Variants in MME observed in about 807,000 individuals in gnomAD.
MME encodes the protein membrane metalloendopeptidase.
MME carries 98 observed loss-of-function variants against 113.2 expected under a neutral mutation model. The observed-to-expected ratio is 0.87, with a 90% CI of 0.74 to 1.02. The LOEUF is 1.02. MME is among the 50% of genes least tolerant of loss of function. MME has a pLI of 0.00. For synonymous variants in MME, 292 were observed against 300.6 expected (o/e 0.97, Z 0.30); for missense variants, 836 against 896.0 (o/e 0.93, Z 0.86).
chr3:155,140,557 C>T (rs1376405602), intron 10 of MME, among the ~76,000 whole-genome samples: 2 of 151,734 alleles, frequency 1.3e-5, no homozygotes, highest in Non-Finnish European at 2.9e-5. Context: ...GCTGGGACTA[C>T]AGGCATGCAC....
In MME at chr3:155,080,717, G is replaced by A. The variant is rs548928219; in HGVS notation, c.-11+251G>A. 1.4e-4 allele frequency among the ~76,000 whole-genome samples: 22 copies of A among 152,230 alleles called. No homozygotes were observed. The South Asian group carries it at 4.6e-3, about 32-fold the overall frequency. ...CTATTTGTCTGGTTTCAAAATAAGG[G>A]TAATTGCAACCAAATATCCCTCTTT... On this transcript the variant is annotated intron_variant, in intron 1 of 22. Transcript: ENST00000360490.
At chr3:155,134,097 A>G (rs565710015) in intron 8 of MME, among the ~76,000 whole-genome samples, 105 of 152,076 alleles carry the variant, frequency 6.9e-4, no homozygotes, top group African/African-American at 2.4e-3. Context: ...TTGTCTTTTC[A>G]TTTCTGTTAC....
Position 155,041,622 on chromosome 3 carries a change from G to A in MME, c.-11+17298G>A, listed in dbSNP as rs142550474. Among the ~76,000 whole-genome samples, 269 of 152,142 alleles carry A rather than the reference G, an allele frequency of 1.8e-3. 1 individual carries two copies. The highest frequency in any genetic ancestry group is 6.4e-3 in the African/African-American group (265 of 41,516). On this transcript the variant is annotated intron_variant, in intron 1 of 22. Coordinates refer to the MME transcript ENST00000492661. ...GATGGTGGTTCATATTTTCTTGCAG[G>A]GTATTTAGAGCATAGCATCTTACCC... is the stretch of plus-strand genomic sequence containing the variant.
intron 17 of MME, among the ~76,000 whole-genome samples, chr3:155,165,767 C>T (rs1723048332): frequency 6.6e-6 from 1 of 152,174 alleles, no homozygotes; most frequent in Non-Finnish European, 1.5e-5. Context: ...CCTCACCCAG[C>T]CTCTGCCTAA....
At chr3:155,047,544 T>C (rs1314868247) in intron 1 of MME, among the ~76,000 whole-genome samples, 2 of 152,182 alleles carry the variant, frequency 1.3e-5, no homozygotes, top group South Asian at 2.1e-4. Context: ...AAAAGACAAG[T>C]CTCTACATGT....
intron 1 of MME, chr3:155,083,945 A>G (rs59525283): frequency 1.9e-6 from 1 of 525,172 alleles, no homozygotes; most frequent in East Asian, 3.4e-5. Context: ...AACAACAGCA[A>G]CAAAAAACAA....
At chr3:155,152,829 A>T (rs1722029753) in intron 16 of MME, among the ~76,000 whole-genome samples, 1 of 151,772 alleles carries the variant, frequency 6.6e-6, no homozygotes, top group Admixed American at 6.6e-5. Context: ...CGACAGAGAG[A>T]CACTCCGTCT....
chr3:155,089,491 C>G (rs1716088890), intron 3 of MME, among the ~76,000 whole-genome samples: 1 of 152,174 alleles, frequency 6.6e-6, no homozygotes, highest in Non-Finnish European at 1.5e-5. Flanking sequence ...AACTAGATGT[C>G]CAGTAGCAGT....
At chr3:155,172,003 T>A (rs904164454) in intron 20 of MME, 114 bp from the exon 21 acceptor site, 2 of 680,838 alleles carry the variant, frequency 2.9e-6, no homozygotes, top group East Asian at 5.5e-5. Flanking sequence ...AAATGTATTA[T>A]CAGGGTGATT....
In MME at chr3:155,147,813, G is replaced by A. The variant is rs181913470; in HGVS notation, c.1497+589G>A. Among the ~76,000 whole-genome samples the A allele has an allele frequency of 4.7e-3, 712 of 152,298 alleles. 5 individuals are homozygous for A. Among genetic ancestry groups the A allele is most frequent in the African/African-American group, 0.016 (685 of 41,566 alleles). Reference sequence around the variant, plus strand: ...CATGATACCCTGATGACAGCGAGGTGATCCTTGCCCAGGTCCTGGGATGAC... The same window carrying A: ...CATGATACCCTGATGACAGCGAGGTAATCCTTGCCCAGGTCCTGGGATGAC... On this transcript the variant is annotated intron_variant, in intron 15 of 22. Transcript: ENST00000360490.
intron 16 of MME, among the ~76,000 whole-genome samples, chr3:155,152,232 T>TCG (rs1559953543): frequency 2.0e-5 from 3 of 152,158 alleles, no homozygotes; most frequent in East Asian, 1.9e-4. Flanking sequence ...TATGCCCTGG[T>TCG]TCATCTAACA....
chr3:155,116,359 C>G (rs1385749445), intron 4 of MME, 120 bp from the exon 5 acceptor site: 2 of 784,178 alleles, frequency 2.6e-6, no homozygotes, highest in Non-Finnish European at 4.4e-6. Flanking sequence ...TCCAGAAAAG[C>G]AAGGTTTTTT....
At chr3:155,046,841 GA>G (rs1713577838) in intron 1 of MME, among the ~76,000 whole-genome samples, 1 of 152,108 alleles carries the variant, frequency 6.6e-6, no homozygotes, top group African/African-American at 2.4e-5. Flanking sequence ...TGTAAAAATA[GA>G]AAAAAGTTTA....
intron 3 of MME, among the ~76,000 whole-genome samples, chr3:155,101,639 C>T (rs187894409): frequency 5.9e-5 from 9 of 152,310 alleles, no homozygotes; most frequent in Middle Eastern, 3.4e-3. Flanking sequence ...TAGCTCTTAA[C>T]CTCATGACCT....
chr3:155,119,375 C>A (rs1310324416), intron 8 of MME, among the ~76,000 whole-genome samples: 1 of 150,178 alleles, frequency 6.7e-6, no homozygotes, highest in Non-Finnish European at 1.5e-5. Flanking sequence ...TATTGTCTCA[C>A]AACCTTGCCT....
intron 3 of MME, among the ~76,000 whole-genome samples, chr3:155,109,446 G>A (rs1430010129): frequency 2.6e-5 from 4 of 152,084 alleles, no homozygotes; most frequent in Admixed American, 6.5e-5. Flanking sequence ...GTGAGGTTCC[G>A]TGCAACACTT....
intron 17 of MME, among the ~76,000 whole-genome samples, chr3:155,162,695 A>G (rs940950257): frequency 1.3e-5 from 2 of 152,038 alleles, no homozygotes; most frequent in Non-Finnish European, 2.9e-5. Flanking sequence ...GAAGAGTCAA[A>G]TCTCCATCTT....
chr3:155,092,076 C>T (rs1559911965), intron 3 of MME, among the ~76,000 whole-genome samples: 2 of 152,080 alleles, frequency 1.3e-5, no homozygotes, highest in Non-Finnish European at 2.9e-5. Context: ...AGAGGATTTC[C>T]CCTCCCTCTG....
intron 8 of MME, among the ~76,000 whole-genome samples, chr3:155,130,982 A>C (rs1475045540): frequency 6.6e-6 from 1 of 152,206 alleles, no homozygotes; most frequent in Non-Finnish European, 1.5e-5. Flanking sequence ...GGGAAGAGAT[A>C]GACAATAAAT....
Sources: allele counts gnomAD v4.1 joint callset (sites outside exome capture counted in the v4.1 genomes callset), GRCh38; gene constraint gnomAD v4.1.1; transcripts MANE v1.5; gene names NCBI Gene and HGNC (gene_info 2026-07-23, HGNC 2026-07-21).